The following PAK1 variants were observed in gnomAD, a reference collection of about 807,000 sequenced individuals.
PAK1 encodes serine/threonine-protein kinase PAK 1.
A neutral mutation model predicts 67.4 loss-of-function variants in PAK1; 29 were observed. The ratio of observed to expected loss-of-function variants is 0.43; its 90% confidence interval spans 0.32 to 0.59. The LOEUF (loss-of-function observed/expected upper bound fraction) is 0.59. PAK1 is among the 20% of genes least tolerant of loss of function. The pLI is 0.07. For missense variants in PAK1, 337 were observed against 670.7 expected (o/e 0.50, Z 5.50); for synonymous variants, 223 against 237.4 (o/e 0.94, Z 0.56).
chr11:77,409,889 T>A (rs1451999240), intron 1 of PAK1, among the ~76,000 whole-genome samples: 1 of 152,244 alleles, frequency 6.6e-6, no homozygotes, highest in East Asian at 1.9e-4. Context: ...TCTTTCAAAA[T>A]TTTTAACTAA....
chr11:77,355,926 A>T (rs1945975539), intron 6 of PAK1, 84 bp from the exon 7 acceptor site: 1 of 804,472 alleles, frequency 1.2e-6, no homozygotes, highest in Non-Finnish European at 2.1e-6. Flanking sequence ...TAGAACATCC[A>T]CAGAGCAAAC....
Position 77,353,562 on chromosome 11 carries a change from A to G in PAK1, c.810T>C (p.Tyr270=), listed in dbSNP as rs1945580237. 2 of 1,610,800 alleles carry G rather than the reference A, an allele frequency of 1.2e-6. No individual in the cohort carries two copies. The highest frequency in any genetic ancestry group is 1.7e-6 in the Non-Finnish European group (2 of 1,177,076). The stretch of plus-strand genomic sequence containing the variant: ...CTTGTCCAATCTTCTCAAACCGTGT[A>G]TATTTCTTCTTAGGATCGCCCACAC... ...IVSVGDPKKK[Y]TRFEKIGQGA... is the part of the protein sequence containing the mutation. Residue 270 remains tyrosine, a synonymous_variant, in exon 8 of 15, where the codon TAT becomes TAC. Coordinates refer to ENST00000356341, the MANE Select transcript of PAK1 (RefSeq NM_002576.5).
chr11:77,372,814 G>C (rs745473989), intron 5 of PAK1, among the ~76,000 whole-genome samples: 4 of 152,094 alleles, frequency 2.6e-5, no homozygotes, highest in African/African-American at 9.7e-5. Flanking sequence ...TGGAATACCC[G>C]CATTTCCCCT....
At chr11:77,461,644 T>C (rs577323247) in intron 1 of PAK1, among the ~76,000 whole-genome samples, 1 of 152,290 alleles carries the variant, frequency 6.6e-6, no homozygotes, top group East Asian at 1.9e-4. Flanking sequence ...TGATTACAAC[T>C]ACATGTATGT....
chr11:77,340,384 A>G (rs987600838), intron 11 of PAK1, among the ~76,000 whole-genome samples: 1 of 152,226 alleles, frequency 6.6e-6, no homozygotes, highest in African/African-American at 2.4e-5. Flanking sequence ...CTAAGACTGG[A>G]ATTATGAGTG....
upstream of PAK1, among the ~76,000 whole-genome samples, chr11:77,478,704 C>G (rs1351545768): frequency 6.6e-6 from 1 of 151,268 alleles, no homozygotes; most frequent in Non-Finnish European, 1.5e-5. Flanking sequence ...TGCTTGAGCC[C>G]GGGAGGCAGA....
At chr11:77,345,914 C>A (rs917276085) in intron 9 of PAK1, among the ~76,000 whole-genome samples, 11 of 152,158 alleles carry the variant, frequency 7.2e-5, no homozygotes, top group African/African-American at 2.2e-4. Flanking sequence ...CTGGCAGCAG[C>A]AGGGGAGGAG....
At chr11:77,504,239 A>C in the PAK1 span, among the ~76,000 whole-genome samples, 4 of 152,286 alleles carry the variant, frequency 2.6e-5, no homozygotes, top group African/African-American at 7.2e-5. Flanking sequence ...TTAGTTTGTT[A>C]ATATAAATAG....
chr11:77,346,421 C>T (rs992438061), intron 9 of PAK1, among the ~76,000 whole-genome samples: 4 of 152,196 alleles, frequency 2.6e-5, no homozygotes, highest in Non-Finnish European at 5.9e-5. Context: ...CTGACTGTCA[C>T]TTACTGACCT....
At chr11:77,458,275 A>C (rs1017849901) in intron 1 of PAK1, among the ~76,000 whole-genome samples, 1 of 152,250 alleles carries the variant, frequency 6.6e-6, no homozygotes, top group Non-Finnish European at 1.5e-5. Flanking sequence ...AATTCTTAGA[A>C]CAAAGAACAT....
At chr11:77,446,441 G>A (rs928089122) in intron 1 of PAK1, among the ~76,000 whole-genome samples, 2 of 144,836 alleles carry the variant, frequency 1.4e-5, no homozygotes, top group Non-Finnish European at 3.0e-5. Flanking sequence ...GAACCCAGGA[G>A]ACAGAGGTTG....
intron 1 of PAK1, among the ~76,000 whole-genome samples, chr11:77,417,506 G>A (rs745557924): frequency 6.6e-6 from 1 of 152,132 alleles, no homozygotes; most frequent in African/African-American, 2.4e-5. Flanking sequence ...GTGAAGCACG[G>A]GGCATTTTTA....
intron 2 of PAK1, among the ~76,000 whole-genome samples, chr11:77,387,034 A>G (rs1051606332): frequency 6.7e-6 from 1 of 150,076 alleles, no homozygotes; most frequent in African/African-American, 2.4e-5. Context: ...TTGGCCTCCC[A>G]AAGTGCTGGG....
the PAK1 span, among the ~76,000 whole-genome samples, chr11:77,495,092 G>A: frequency 2.6e-5 from 4 of 151,776 alleles, no homozygotes; most frequent in Non-Finnish European, 5.9e-5. Context: ...AACCTGGGAG[G>A]TGGAGTTTGC....
intron 13 of PAK1, among the ~76,000 whole-genome samples, chr11:77,334,834 A>C (rs1376616635): frequency 6.6e-6 from 1 of 152,180 alleles, no homozygotes; most frequent in East Asian, 1.9e-4. Flanking sequence ...AAGAGAAAAA[A>C]AAACCTGTTT....
At chr11:77,351,892 T>G (rs1275006297) in intron 8 of PAK1, among the ~76,000 whole-genome samples, 6 of 150,596 alleles carry the variant, frequency 4.0e-5, no homozygotes, top group South Asian at 2.1e-4. Flanking sequence ...TTTTTTTTTA[T>G]AGAGAGGTAT....
At chr11:77,409,849 G>A (rs1424440141) in intron 1 of PAK1, among the ~76,000 whole-genome samples, 1 of 151,904 alleles carries the variant, frequency 6.6e-6, no homozygotes, top group Non-Finnish European at 1.5e-5. Flanking sequence ...AAACTGAACT[G>A]TACACTTAAA....
At chr11:77,437,883 A>G (rs1270886048) in intron 1 of PAK1, among the ~76,000 whole-genome samples, 1 of 152,230 alleles carries the variant, frequency 6.6e-6, no homozygotes, top group Admixed American at 6.5e-5. Flanking sequence ...AATCTACAAA[A>G]GAATAGATAT....
chr11:77,410,819 C>T (rs1167859187), intron 1 of PAK1, among the ~76,000 whole-genome samples: 1 of 151,872 alleles, frequency 6.6e-6, no homozygotes, highest in Non-Finnish European at 1.5e-5. Context: ...AGGTTATTAT[C>T]GGGCCTGACA....
Sources: gnomAD v4.1 joint callset for allele counts (sites outside exome capture counted in the v4.1 genomes callset) on GRCh38, gnomAD v4.1.1 for gene constraint, MANE v1.5 for transcripts, NCBI Gene and HGNC (gene_info 2026-07-23, HGNC 2026-07-21) for gene names.